NUP88: variants seen among roughly 807,000 people sequenced by gnomAD.
NUP88 encodes the protein nucleoporin 88.
Under a neutral mutation model 93.9 loss-of-function variants are expected in NUP88, and 57 were observed. The observed-to-expected ratio is 0.61, with a 90% CI of 0.49 to 0.76. The LOEUF (loss-of-function observed/expected upper bound fraction) is 0.76, where lower values mean the gene tolerates loss of function less well. Ranked by LOEUF, NUP88 falls within the 30% of genes least tolerant of loss-of-function variation. The probability of loss-of-function intolerance (pLI) is 0.00; values close to 1 mark genes in which losing one functional copy is unlikely to be tolerated. For missense variants in NUP88, 911 were observed against 901.0 expected (o/e 1.01, Z -0.14); for synonymous variants, 346 against 336.8 (o/e 1.03, Z -0.30).
intron 10 of NUP88, 139 bp from the exon 11 acceptor site, chr17:5,389,099 T>C (rs1912246129): frequency 1.6e-6 from 1 of 629,784 alleles, no homozygotes; most frequent in African/African-American, 1.9e-5. Context: ...ATGCATGTTT[T>C]CCACCTTGAA....
At position 5,388,679 on chromosome 17, in the gene NUP88, A is replaced by T. The variant is rs1912211033; in HGVS notation, c.1643+123T>A. On this transcript the variant is annotated intron_variant, in intron 11 of 16. Transcript: ENST00000573584. ...ATTCACTAGCTGATCAAATATATCC[A>T]GTTTCTTCCAAATTTATCACAGTAA... 6 of 850,458 alleles carry T rather than the reference A, an allele frequency of 7.1e-6. No individual in the cohort carries two copies. In the South Asian group the frequency reaches 1.3e-4, roughly 18 times the overall value. 52.7% of individuals were successfully genotyped at this position (850,458 alleles called of 1,614,324 possible). A position where few individuals can be genotyped will look rare whatever the true frequency, so the allele number is the denominator to read the frequency against.
At chr17:5,391,468 G>C (rs1387815174) in intron 10 of NUP88, 93 bp downstream of exon 10, 1 of 949,542 alleles carries the variant, frequency 1.1e-6, no homozygotes, top group Non-Finnish European at 1.7e-6. Flanking sequence ...AACCACACAT[G>C]TATAGCTTCA....
chr17:5,404,198 C>A lies in NUP88; in HGVS notation c.1093G>T (p.Val365Leu). Residue 365 changes from valine to leucine, a missense_variant, in exon 7 of 17, where the codon GTG becomes TTG. Physicochemically the swap from Val to Leu is conservative, Grantham distance 32. Transcript: ENST00000573584. ...SRIDLIPSLY[V>L]FECVELELAL... ...AGCTCCAACTCAACACATTCAAACACATACAGAGAAGGAATGAGGTCAATC... is the reference window on the plus strand; with the variant it reads ...AGCTCCAACTCAACACATTCAAACAAATACAGAGAAGGAATGAGGTCAATC... 5.0e-6 allele frequency: 8 copies of A among 1,614,082 alleles called. No individual in the cohort carries two copies. The highest frequency in any genetic ancestry group is 6.8e-6 in the Non-Finnish European group (8 of 1,179,948).
chr17:5,407,273 C>T (rs767800068), intron 5 of NUP88, among the ~76,000 whole-genome samples: 47 of 152,296 alleles, frequency 3.1e-4, no homozygotes, highest in Non-Finnish European at 6.3e-4. Context: ...TTTGTAATAG[C>T]ATTTCCTTAA....
intron 3 of NUP88, among the ~76,000 whole-genome samples, chr17:5,411,396 T>C (rs1376163850): frequency 1.3e-5 from 2 of 152,004 alleles, no homozygotes; most frequent in African/African-American, 4.8e-5. Context: ...AAACCCCGTC[T>C]CTACTAAAAA....
At chr17:5,414,197 G>C in intron 2 of NUP88, 63 bp from the exon 3 acceptor site, 1 of 1,499,684 alleles carries the variant, frequency 6.7e-7, no homozygotes, top group Non-Finnish European at 9.2e-7. Context: ...TCTTCTAAAG[G>C]AACTTCTTTT....
At chr17:5,419,015 T>C (rs765678688) in intron 1 of NUP88, among the ~76,000 whole-genome samples, 2 of 152,206 alleles carry the variant, frequency 1.3e-5, no homozygotes, top group Admixed American at 6.5e-5. Context: ...ATCTAACCTA[T>C]TATAAGCGTC....
At position 5,386,676 on chromosome 17, in the gene NUP88, A is replaced by T. The variant is rs371290451; in HGVS notation, c.2162+32T>A. On this transcript the variant is annotated intron_variant, in intron 16 of 16. Transcript: ENST00000573584. ...CATACTGTAAAGGAAAAACTATCTC[A>T]CGATAATAGCTGATTGGAAGTATTT... The T allele has an allele frequency of 2.9e-6, 4 of 1,375,122 alleles. No homozygotes were observed. The African/African-American group carries it at 5.7e-5, about 20-fold the overall frequency. The allele number at this position is 1,375,122 out of a possible 1,614,324, so 85.2% of individuals were successfully genotyped here.
At chr17:5,407,475 A>G (rs1342966000) in intron 5 of NUP88, among the ~76,000 whole-genome samples, 1 of 152,176 alleles carries the variant, frequency 6.6e-6, no homozygotes, top group Non-Finnish European at 1.5e-5. Flanking sequence ...TGGGTCCTGA[A>G]TAAGTATCTG....
intron 9 of NUP88, among the ~76,000 whole-genome samples, chr17:5,392,673 C>T (rs1169650873): frequency 6.6e-6 from 1 of 152,166 alleles, no homozygotes; most frequent in African/African-American, 2.4e-5. Context: ...GAGAAGTAGC[C>T]GCTACTCTGA....
intron 4 of NUP88, among the ~76,000 whole-genome samples, chr17:5,409,384 A>G (rs1226394479): frequency 3.3e-5 from 5 of 152,026 alleles, no homozygotes; most frequent in Non-Finnish European, 7.4e-5. Context: ...CAAAAAAAAA[A>G]AAAAAAAAAA....
At chr17:5,410,925 C>T in intron 3 of NUP88, 136 bp from the exon 4 acceptor site, 1 of 646,176 alleles carries the variant, frequency 1.5e-6, no homozygotes, top group Non-Finnish European at 2.7e-6. Flanking sequence ...AAAAATCTTG[C>T]TGTTGCAAAG....
chr17:5,386,678 G>A (rs1037182264), intron 16 of NUP88, 30 bp downstream of exon 16: 21 of 1,381,328 alleles, frequency 1.5e-5, no homozygotes, highest in South Asian at 3.5e-5. Flanking sequence ...ACTATCTCAC[G>A]ATAATAGCTG....
intron 7 of NUP88, among the ~76,000 whole-genome samples, chr17:5,402,075 G>A (rs1364377873): frequency 6.6e-6 from 1 of 152,056 alleles, no homozygotes; most frequent in Non-Finnish European, 1.5e-5. Context: ...CCAGCACTGT[G>A]GGAGGCCAAG....
chr17:5,398,363 C>T (rs934946863), intron 8 of NUP88, among the ~76,000 whole-genome samples: 2 of 152,006 alleles, frequency 1.3e-5, no homozygotes, highest in Non-Finnish European at 2.9e-5. Flanking sequence ...GATATCGGCT[C>T]ACTGCAACTC....
At chr17:5,391,050 T>G (rs905931905) in intron 10 of NUP88, among the ~76,000 whole-genome samples, 25 of 152,162 alleles carry the variant, frequency 1.6e-4, no homozygotes, top group Admixed American at 1.6e-3. Context: ...TTAAAGAGTA[T>G]GAGTATGGAC....
chr17:5,392,948 G>A (rs1036620529), intron 9 of NUP88, among the ~76,000 whole-genome samples: 4 of 151,360 alleles, frequency 2.6e-5, no homozygotes, highest in African/African-American at 7.3e-5. Context: ...TGCTACCACA[G>A]TGGCTAATTT....
intron 1 of NUP88, among the ~76,000 whole-genome samples, chr17:5,417,084 A>T (rs1347847918): frequency 6.6e-6 from 1 of 152,088 alleles, no homozygotes; most frequent in Non-Finnish European, 1.5e-5. Flanking sequence ...ACCTGCCTCC[A>T]CCTTGGCCTC....
At chr17:5,419,018 T>C (rs942293106) in intron 1 of NUP88, among the ~76,000 whole-genome samples, 2 of 152,236 alleles carry the variant, frequency 1.3e-5, no homozygotes, top group Admixed American at 6.5e-5. Context: ...TAACCTATTA[T>C]AAGCGTCACA....
Sources: allele counts gnomAD v4.1 joint callset (sites outside exome capture counted in the v4.1 genomes callset), GRCh38; gene constraint gnomAD v4.1.1; transcripts MANE v1.5; gene names NCBI Gene and HGNC (gene_info 2026-07-23, HGNC 2026-07-21).